Variants in DIS3L2 observed in about 807,000 individuals in gnomAD.
DIS3L2 encodes the protein DIS3 like 3'-5' exoribonuclease 2, also known as DIS3-like exonuclease 2.
DIS3L2 carries 34 observed loss-of-function variants against 97.5 expected under a neutral mutation model. The observed-to-expected ratio is 0.35, with a 90% CI of 0.27 to 0.46. The LOEUF (loss-of-function observed/expected upper bound fraction) is 0.46, where lower values mean the gene tolerates loss of function less well. DIS3L2 is among the 20% of genes least tolerant of loss of function. DIS3L2 has a pLI of 1.00. For missense variants in DIS3L2, 1,038 were observed against 1,146.0 expected (o/e 0.91, Z 1.36); for synonymous variants, 435 against 445.2 (o/e 0.98, Z 0.29).
At chr2:232,136,828 C>G (rs535428957) in intron 8 of DIS3L2, 109 bp downstream of exon 8, 36 of 1,381,234 alleles carry the variant, frequency 2.6e-5, no homozygotes, top group Non-Finnish European at 3.3e-5. Context: ...TATTGAAGCA[C>G]GGTTTCTGGT....
chr2:232,293,941 G>A lies in DIS3L2; in HGVS notation c.1660-6099G>A, dbSNP rs1003496291. Among the ~76,000 whole-genome samples, 96 of 152,346 alleles carry A rather than the reference G, an allele frequency of 6.3e-4. No individual in the cohort carries two copies. Among genetic ancestry groups the A allele is most frequent in the African/African-American group, 2.2e-3 (93 of 41,570 alleles). On this transcript the variant is annotated intron_variant, in intron 13 of 20. Transcript: ENST00000325385. This position sits in a 1 kb window ranked among gnomAD's most constrained non-coding sequence, Gnocchi z 4.6. ...GTCAGTGTCCTTAGGAGAAGCATGA[G>A]CACAAATTACACAAGGGCAGTAGAG...
chr2:232,272,428 G>A (rs1396926516), intron 13 of DIS3L2, among the ~76,000 whole-genome samples: 1 of 152,192 alleles, frequency 6.6e-6, no homozygotes, highest in Admixed American at 6.5e-5. Context: ...TCGCAAACCC[G>A]ATGGTTATTT....
intron 9 of DIS3L2, among the ~76,000 whole-genome samples, chr2:232,200,619 TA>T (rs75748970): frequency 5.2e-4 from 75 of 144,814 alleles, no homozygotes; most frequent in Non-Finnish European, 6.7e-4. Context: ...GTAATGACAC[TA>T]AAAAAAAAAA....
At chr2:232,041,903 C>G (rs2106253488) in intron 5 of DIS3L2, among the ~76,000 whole-genome samples, 1 of 152,262 alleles carries the variant, frequency 6.6e-6, no homozygotes, top group South Asian at 2.1e-4. Context: ...CTGCAGGGTA[C>G]TGAGAGGATA....
intron 7 of DIS3L2, among the ~76,000 whole-genome samples, chr2:232,135,814 A>C (rs1221868767): frequency 6.6e-6 from 1 of 151,994 alleles, no homozygotes. Flanking sequence ...GGAAGGGATG[A>C]GCCTGCAGAC....
chr2:232,272,608 T>A (rs2633254), intron 13 of DIS3L2, among the ~76,000 whole-genome samples: 1 of 152,084 alleles, frequency 6.6e-6, no homozygotes, highest in Non-Finnish European at 1.5e-5. Context: ...GAAATAGTCA[T>A]GCATATCAGA....
At chr2:232,158,090 G>A (rs959425787) in intron 8 of DIS3L2, among the ~76,000 whole-genome samples, 4 of 152,140 alleles carry the variant, frequency 2.6e-5, no homozygotes, top group Admixed American at 2.6e-4. Flanking sequence ...CTGCCTATCA[G>A]CCTATCAGGT....
At chr2:232,058,139 C>T (rs1392485431) in intron 5 of DIS3L2, among the ~76,000 whole-genome samples, 1 of 152,212 alleles carries the variant, frequency 6.6e-6, no homozygotes, top group Non-Finnish European at 1.5e-5. Context: ...TCTGTCCTTG[C>T]TCTCATTGAC....
rs78986125 is a variant in DIS3L2 at position 232,234,027 on chromosome 2, A to G, written c.1205-4506A>G. 9.2e-5 allele frequency among the ~76,000 whole-genome samples: 14 copies of G among 152,214 alleles called. No individual in the cohort carries two copies. In the East Asian group the frequency reaches 2.7e-3, roughly 29 times the overall value. Reference sequence around the variant, plus strand: ...AGAATGTGGCTTCCTTGGAGTTATGAGAGATAGGGAGGGATTTTGAGCTGT... The same window carrying G: ...AGAATGTGGCTTCCTTGGAGTTATGGGAGATAGGGAGGGATTTTGAGCTGT... On this transcript the variant is annotated intron_variant, in intron 10 of 20. Coordinates refer to ENST00000325385, the MANE Select transcript of DIS3L2 (RefSeq NM_152383.5).
chr2:232,051,415 A>G (rs1238439991), intron 5 of DIS3L2, among the ~76,000 whole-genome samples: 5 of 152,232 alleles, frequency 3.3e-5, no homozygotes, highest in Non-Finnish European at 5.9e-5. Flanking sequence ...GAAAAAGGAT[A>G]GGATTGTTTA....
intron 14 of DIS3L2, among the ~76,000 whole-genome samples, chr2:232,308,904 T>A (rs1695052228): frequency 6.6e-6 from 1 of 152,140 alleles, no homozygotes; most frequent in South Asian, 2.1e-4. Context: ...TTTGTGTTTA[T>A]CATGGAGGAT....
At chr2:231,977,388 A>C (rs1693129947) in intron 1 of DIS3L2, among the ~76,000 whole-genome samples, 3 of 152,334 alleles carry the variant, frequency 2.0e-5, no homozygotes, top group Middle Eastern at 3.4e-3. Context: ...TCCTGTGTTC[A>C]TAAAATTCCT....
intron 10 of DIS3L2, among the ~76,000 whole-genome samples, chr2:232,214,342 T>C (rs535714125): frequency 9.8e-5 from 15 of 152,324 alleles, no homozygotes; most frequent in African/African-American, 3.4e-4. Flanking sequence ...TGCCTTAAGA[T>C]TGCTTGACTA....
intron 5 of DIS3L2, among the ~76,000 whole-genome samples, chr2:232,074,179 C>T (rs1462201244): frequency 6.6e-6 from 1 of 152,126 alleles, no homozygotes; most frequent in African/African-American, 2.4e-5. Context: ...TATTCATTTG[C>T]ATTTATTTAT....
At chr2:232,140,285 A>G (rs1474391263) in intron 8 of DIS3L2, among the ~76,000 whole-genome samples, 1 of 152,102 alleles carries the variant, frequency 6.6e-6, no homozygotes, top group Non-Finnish European at 1.5e-5. Flanking sequence ...TAGTACTATT[A>G]TTATATTTCT....
intron 14 of DIS3L2, among the ~76,000 whole-genome samples, chr2:232,320,185 G>T (rs528822839): frequency 4.7e-4 from 72 of 152,112 alleles, no homozygotes; most frequent in African/African-American, 1.6e-3. Flanking sequence ...GTTCTGGGGG[G>T]GGTGGGGGAC....
intron 5 of DIS3L2, among the ~76,000 whole-genome samples, chr2:232,052,763 A>G (rs55922861): frequency 0.011 from 1,716 of 152,264 alleles, 19 homozygotes; most frequent in Non-Finnish European, 0.016. Context: ...TCATATCTTT[A>G]CAATTGTTAT....
In DIS3L2 at chr2:231,974,610, AC is replaced by A. The variant is rs550801034; in HGVS notation, c.-94+12846del. On this transcript the variant is annotated intron_variant, in intron 1 of 20. Transcript: ENST00000325385. ...CTTTAGCTTCTTGAACATATGGAATACAATTCTTTTTTAAAAAAATTTTTTT... is the reference window on the plus strand; with the variant it reads ...CTTTAGCTTCTTGAACATATGGAATAAATTCTTTTTTAAAAAAATTTTTTT... Among the ~76,000 whole-genome samples, 55 of 151,292 alleles carry A rather than the reference AC, an allele frequency of 3.6e-4. 1 individual carries two copies. Among genetic ancestry groups the A allele is most frequent in the African/African-American group, 1.2e-3 (49 of 41,204 alleles).
At chr2:232,225,655 A>G (rs1692624768) in intron 10 of DIS3L2, among the ~76,000 whole-genome samples, 1 of 152,162 alleles carries the variant, frequency 6.6e-6, no homozygotes, top group Non-Finnish European at 1.5e-5. Context: ...TTACCTAAGT[A>G]TATTTACTTT....
Sources: allele counts gnomAD v4.1 joint callset (sites outside exome capture counted in the v4.1 genomes callset), GRCh38; gene constraint gnomAD v4.1.1; non-coding constraint Gnocchi (gnomAD v3.1); transcripts MANE v1.5; gene names NCBI Gene and HGNC (gene_info 2026-07-23, HGNC 2026-07-21).